The following PDE11A variants were observed in gnomAD, a reference collection of about 807,000 sequenced individuals.
The protein encoded by PDE11A is dual 3',5'-cyclic-AMP and -GMP phosphodiesterase 11A.
A neutral mutation model predicts 100.5 loss-of-function variants in PDE11A; 100 were observed. The observed-to-expected ratio is 1.00, with a 90% CI of 0.85 to 1.18. The LOEUF is 1.18. PDE11A is among the 50% of genes most tolerant of loss of function. The pLI is 0.00. For missense variants in PDE11A, 1,141 were observed against 1,152.6 expected, an observed-to-expected ratio of 0.99 and a Z score of 0.15; for synonymous variants, 381 against 420.8, an observed-to-expected ratio of 0.91 and a Z score of 1.16.
intron 13 of PDE11A, among the ~76,000 whole-genome samples, chr2:177,704,835 T>C (rs191254122): frequency 1.4e-3 from 210 of 152,116 alleles, no homozygotes; most frequent in African/African-American, 4.9e-3. Flanking sequence ...CTACTTTTAA[T>C]TGATTGTGAA....
rs577940432 is a variant in PDE11A, at chr2:177,943,855, T to TG, written c.1072-38669dup. Reference sequence around the variant, plus strand: ...TGATTCCTACTAGGTTTTATGGTTTTGGGTCTTACACTTAGGTCTTTAATC... The same window carrying TG: ...TGATTCCTACTAGGTTTTATGGTTTTGGGGTCTTACACTTAGGTCTTTAATC... On this transcript the variant is annotated intron_variant, in intron 2 of 19. Transcript: ENST00000286063. Among the ~76,000 whole-genome samples the TG allele has an allele frequency of 2.2e-4, 33 of 152,326 alleles. No homozygotes were observed. In the South Asian group the frequency reaches 6.8e-3, roughly 32 times the overall value.
At chr2:177,956,562 A>G (rs2105786298) in intron 2 of PDE11A, among the ~76,000 whole-genome samples, 1 of 152,344 alleles carries the variant, frequency 6.6e-6, no homozygotes, top group East Asian at 1.9e-4. Context: ...ATTACTGGGT[A>G]TATACCCAAA....
At chr2:177,683,944 G>C (rs948722800) in intron 15 of PDE11A, among the ~76,000 whole-genome samples, 1 of 152,066 alleles carries the variant, frequency 6.6e-6, no homozygotes. Context: ...TTGAGATAAG[G>C]TGCACTAAAC....
At chr2:178,106,257 A>G (rs1453795390) in intron 1 of PDE11A, among the ~76,000 whole-genome samples, 1 of 152,228 alleles carries the variant, frequency 6.6e-6, no homozygotes, top group African/African-American at 2.4e-5. Context: ...AGCTCTCCCT[A>G]ACTTCTTTAA....
chr2:178,020,093 AG>A (rs1361757317), intron 1 of PDE11A, among the ~76,000 whole-genome samples: 3 of 152,210 alleles, frequency 2.0e-5, no homozygotes, highest in African/African-American at 7.2e-5. Context: ...TAAAGACTTT[AG>A]TCATTAGTGA....
chr2:177,959,245 T>C (rs140398946), intron 2 of PDE11A, among the ~76,000 whole-genome samples: 2 of 151,806 alleles, frequency 1.3e-5, no homozygotes, highest in South Asian at 4.2e-4. Flanking sequence ...GGCTGGAGAG[T>C]ATTGAACATG....
chr2:177,961,883 G>A (rs1440184294), intron 2 of PDE11A, among the ~76,000 whole-genome samples: 2 of 151,698 alleles, frequency 1.3e-5, no homozygotes, highest in Non-Finnish European at 2.9e-5. Context: ...CAAATGATGA[G>A]ACCACATCTC....
chr2:177,651,978 G>C (rs2080316564), intron 19 of PDE11A, among the ~76,000 whole-genome samples: 1 of 152,170 alleles, frequency 6.6e-6, no homozygotes. Flanking sequence ...GGTTATTTCA[G>C]GGCATCCTGA....
intron 6 of PDE11A, among the ~76,000 whole-genome samples, chr2:177,823,651 AC>A (rs2083180643): frequency 6.6e-6 from 1 of 152,192 alleles, no homozygotes; most frequent in Non-Finnish European, 1.5e-5. Context: ...TTCCAAAAAA[AC>A]AAACTGGTTT....
chr2:177,721,146 C>A (rs149839910), intron 12 of PDE11A, among the ~76,000 whole-genome samples: 94 of 152,170 alleles, frequency 6.2e-4, no homozygotes, highest in African/African-American at 2.1e-3. Context: ...ATTTCAAATT[C>A]TTTATTTTGG....
intron 2 of PDE11A, among the ~76,000 whole-genome samples, chr2:177,907,527 C>T (rs2084809237): frequency 6.6e-6 from 1 of 152,076 alleles, no homozygotes; most frequent in African/African-American, 2.4e-5. Context: ...ACCATTAATC[C>T]CAGTTTGCAG....
intron 2 of PDE11A, among the ~76,000 whole-genome samples, chr2:177,917,195 CA>C (rs66967582): frequency 1.3e-5 from 2 of 149,576 alleles, no homozygotes; most frequent in Non-Finnish European, 1.5e-5. Context: ...CTATATGTGC[CA>C]AAAAAAAAAT....
At chr2:178,038,764 G>A (rs934022496) in intron 1 of PDE11A, 4 of 152,254 alleles carry the variant, frequency 2.6e-5, no homozygotes, top group Non-Finnish European at 4.4e-5. Flanking sequence ...AGGTGGCCAT[G>A]AGGGGAATGG....
intron 13 of PDE11A, among the ~76,000 whole-genome samples, chr2:177,709,005 C>T (rs1331205625): frequency 1.3e-5 from 2 of 152,096 alleles, no homozygotes; most frequent in African/African-American, 4.8e-5. Context: ...GCATGCCAGG[C>T]AGGGGAAACA....
At chr2:177,651,076 A>G (rs550027781) in intron 19 of PDE11A, among the ~76,000 whole-genome samples, 90 of 152,346 alleles carry the variant, frequency 5.9e-4, no homozygotes, top group Middle Eastern at 3.4e-3. Context: ...TCACATCTGA[A>G]ATAAAAAGAT....
At chr2:177,706,097 A>T (rs2081275290) in intron 13 of PDE11A, among the ~76,000 whole-genome samples, 1 of 152,242 alleles carries the variant, frequency 6.6e-6, no homozygotes, top group Non-Finnish European at 1.5e-5. Context: ...AATACTTAAA[A>T]ATTAAGAACA....
At chr2:177,926,345 T>C (rs2085124177) in intron 2 of PDE11A, among the ~76,000 whole-genome samples, 1 of 152,346 alleles carries the variant, frequency 6.6e-6, no homozygotes, top group South Asian at 2.1e-4. Flanking sequence ...GGAAAGTTTA[T>C]AGCAAAATAC....
At chr2:178,012,994 G>C (rs1471737412) in intron 2 of PDE11A, among the ~76,000 whole-genome samples, 1 of 152,122 alleles carries the variant, frequency 6.6e-6, no homozygotes, top group Non-Finnish European at 1.5e-5. Flanking sequence ...ATCTTTATTG[G>C]AATAAAGTGG....
intron 2 of PDE11A, among the ~76,000 whole-genome samples, chr2:177,985,413 G>A (rs758868636): frequency 2.6e-5 from 4 of 152,166 alleles, no homozygotes; most frequent in Admixed American, 6.5e-5. Context: ...TAATCTGTGC[G>A]TTGCTGTGAT....
Sources: allele counts gnomAD v4.1 joint callset (sites outside exome capture counted in the v4.1 genomes callset), GRCh38; gene constraint gnomAD v4.1.1; transcripts MANE v1.5; gene names NCBI Gene and HGNC (gene_info 2026-07-23, HGNC 2026-07-21).